BTG4: variants seen among roughly 807,000 people sequenced by gnomAD.
BTG4 encodes protein BTG4.
A neutral mutation model predicts 19.3 loss-of-function variants in BTG4; 10 were observed. That is an observed-to-expected ratio of 0.52 (90% CI 0.32 to 0.88). BTG4 has a LOEUF of 0.88. BTG4 is among the 40% of genes least tolerant of loss of function. BTG4 has a pLI of 0.04. For synonymous variants in BTG4, 91 were observed against 95.7 expected, an observed-to-expected ratio of 0.95 and a Z score of 0.29; for missense variants, 238 against 281.9, an observed-to-expected ratio of 0.84 and a Z score of 1.11.
chr11:111,424,969 C>T, the BTG4 span, among the ~76,000 whole-genome samples: 1 of 152,022 alleles, frequency 6.6e-6, no homozygotes, highest in South Asian at 2.1e-4. Context: ...GTAGCTCAAA[C>T]CTTACTAGAG....
At chr11:111,489,761 T>C (rs1865299759) in intron 5 of BTG4, among the ~76,000 whole-genome samples, 1 of 151,804 alleles carries the variant, frequency 6.6e-6, no homozygotes, top group African/African-American at 2.4e-5. Flanking sequence ...AGACAAATAT[T>C]ATATGTTCTC....
At chr11:111,474,249 C>A (rs567896028) in intron 5 of BTG4, among the ~76,000 whole-genome samples, 2 of 152,122 alleles carry the variant, frequency 1.3e-5, no homozygotes, top group African/African-American at 4.8e-5. Flanking sequence ...TATACCTCAA[C>A]GAGTTGTCCA....
chr11:111,501,298 A>G (rs982066304), intron 1 of BTG4, among the ~76,000 whole-genome samples: 2 of 152,098 alleles, frequency 1.3e-5, no homozygotes, highest in Non-Finnish European at 2.9e-5. Context: ...CAGAAGTTTG[A>G]GGCTGCAGTA....
At chr11:111,437,663 T>C in the BTG4 span, among the ~76,000 whole-genome samples, 1 of 152,082 alleles carries the variant, frequency 6.6e-6, no homozygotes, top group African/African-American at 2.4e-5. Context: ...AGCGAGTGCC[T>C]AGACCCCCAC....
At chr11:111,455,313 G>C in the BTG4 span, 2 of 312,092 alleles carry the variant, frequency 6.4e-6, no homozygotes, top group Admixed American at 3.9e-5. Flanking sequence ...GGTGAGTGGG[G>C]TGTCCCCGAG....
downstream of BTG4, among the ~76,000 whole-genome samples, chr11:111,491,983 C>G (rs1369794211): frequency 6.6e-6 from 1 of 152,120 alleles, no homozygotes; most frequent in Non-Finnish European, 1.5e-5. Flanking sequence ...CTGAGAGGCT[C>G]TAAAGGATTA....
At chr11:111,502,834 A>C (rs1866188483) in intron 1 of BTG4, among the ~76,000 whole-genome samples, 1 of 152,256 alleles carries the variant, frequency 6.6e-6, no homozygotes, top group Non-Finnish European at 1.5e-5. Context: ...GCAGGCCTTG[A>C]AAGTTATGAA....
intron 5 of BTG4, among the ~76,000 whole-genome samples, chr11:111,485,686 A>G (rs1331620203): frequency 1.3e-5 from 2 of 152,316 alleles, no homozygotes; most frequent in East Asian, 1.9e-4. Flanking sequence ...GCATCCTTGA[A>G]GAACTAGAAA....
the BTG4 span, among the ~76,000 whole-genome samples, chr11:111,390,709 G>A: frequency 1.3e-5 from 2 of 152,186 alleles, no homozygotes; most frequent in African/African-American, 2.4e-5. Context: ...GAGACAGAAG[G>A]TTTTTTAAGA....
chr11:111,394,232 C>A, the BTG4 span, among the ~76,000 whole-genome samples: 5 of 152,216 alleles, frequency 3.3e-5, no homozygotes, highest in Non-Finnish European at 1.5e-5. Context: ...CCAGCCCATT[C>A]CTGTGGCTTG....
the BTG4 span, among the ~76,000 whole-genome samples, chr11:111,426,007 G>A: frequency 6.6e-6 from 1 of 152,114 alleles, no homozygotes; most frequent in African/African-American, 2.4e-5. Context: ...CTGCAGCCTG[G>A]ATGACAGAGC....
chr11:111,488,570 G>A (rs1330245355), intron 5 of BTG4, among the ~76,000 whole-genome samples: 1 of 152,046 alleles, frequency 6.6e-6, no homozygotes, highest in Non-Finnish European at 1.5e-5. Flanking sequence ...CTCAAAATCA[G>A]GCAACCGAAA....
the BTG4 span, chr11:111,415,916 C>A: frequency 6.6e-6 from 1 of 152,164 alleles, no homozygotes; most frequent in African/African-American, 2.4e-5. Flanking sequence ...CAGTGGCACA[C>A]ACCTATAGTC....
chr11:111,482,275 A>T (rs879196010), intron 5 of BTG4, among the ~76,000 whole-genome samples: 2 of 152,120 alleles, frequency 1.3e-5, no homozygotes, highest in Admixed American at 1.3e-4. Context: ...AATCATGTAC[A>T]AGAGTTGTAT....
intron 5 of BTG4, among the ~76,000 whole-genome samples, chr11:111,481,341 T>C (rs1413964374): frequency 6.6e-6 from 1 of 151,866 alleles, no homozygotes; most frequent in African/African-American, 2.4e-5. Context: ...CTTCATAATA[T>C]AATTCTACCA....
chr11:111,513,443 T>C (rs767289315), upstream of BTG4: 3 of 534,506 alleles, frequency 5.6e-6, no homozygotes, highest in Non-Finnish European at 1.2e-5. Flanking sequence ...TCTATGAGTC[T>C]AGTTACTAGG....
the BTG4 span, among the ~76,000 whole-genome samples, chr11:111,390,479 A>G: frequency 5.3e-5 from 8 of 152,362 alleles, no homozygotes; most frequent in East Asian, 1.5e-3. Context: ...GGGCACATTC[A>G]GAAAAGCATT....
At chr11:111,422,902 T>G in the BTG4 span, among the ~76,000 whole-genome samples, 139,953 of 152,020 alleles carry the variant, frequency 0.92, 64,764 homozygotes, top group East Asian at 1. Flanking sequence ...GCAGGTGCTG[T>G]GGCAGCTTTG....
At chr11:111,500,404 G>T (rs1865996053) in intron 1 of BTG4, among the ~76,000 whole-genome samples, 1 of 152,158 alleles carries the variant, frequency 6.6e-6, no homozygotes, top group Non-Finnish European at 1.5e-5. Context: ...TTTCTAAAAA[G>T]CTCCAAATAA....
Sources: allele counts gnomAD v4.1 joint callset (sites outside exome capture counted in the v4.1 genomes callset), GRCh38; gene constraint gnomAD v4.1.1; transcripts MANE v1.5; gene names NCBI Gene and HGNC (gene_info 2026-07-23, HGNC 2026-07-21).